Variants in IFT88 observed in about 807,000 individuals in gnomAD.
IFT88 encodes intraflagellar transport 88, also known as intraflagellar transport protein 88 homolog.
Under a neutral mutation model 119.5 loss-of-function variants are expected in IFT88, and 74 were observed. The ratio of observed to expected loss-of-function variants is 0.62; its 90% confidence interval spans 0.51 to 0.75. The LOEUF is 0.75. Ranked by LOEUF, IFT88 falls within the 30% of genes least tolerant of loss-of-function variation. IFT88 has a pLI of 0.00. For missense variants in IFT88, 961 were observed against 977.7 expected, an observed-to-expected ratio of 0.98 and a Z score of 0.23; for synonymous variants, 279 against 316.7, an observed-to-expected ratio of 0.88 and a Z score of 1.26.
chr13:20,631,263 G>C, intron 16 of IFT88, 161 bp downstream of exon 16: 1 of 563,802 alleles, frequency 1.8e-6, no homozygotes, highest in East Asian at 2.9e-5. Context: ...GCCAGGCCAG[G>C]GGCTGAGTTG....
At chr13:20,601,136 C>T (rs1377345477) in intron 11 of IFT88, among the ~76,000 whole-genome samples, 4 of 152,172 alleles carry the variant, frequency 2.6e-5, no homozygotes, top group African/African-American at 9.6e-5. Flanking sequence ...GAGGCCGAGG[C>T]GGGCGAATCA....
chr13:20,653,778 T>C (rs994338116), intron 20 of IFT88, 98 bp from the exon 21 acceptor site: 26 of 575,984 alleles, frequency 4.5e-5, no homozygotes, highest in Non-Finnish European at 7.6e-5. Flanking sequence ...TAACAAAAGG[T>C]CAAAAAGTAA....
rs754372757 is a variant in IFT88, at chr13:20,598,698, C to T, written c.642C>T (p.Ala214=). ...ASQYSVNEMY[A]EALNTYQVIV... ...AGTATTCAGTTAATGAAATGTATGCCGAAGCACTTAACACTTATCAAGTTA... is the reference window on the plus strand; with the variant it reads ...AGTATTCAGTTAATGAAATGTATGCTGAAGCACTTAACACTTATCAAGTTA... The change falls in exon 10 of 26, where the codon GCC becomes GCT. Residue 214 remains alanine, a synonymous_variant. Coordinates refer to ENST00000351808, the MANE Select transcript of IFT88 (RefSeq NM_006531.5). The T allele has an allele frequency of 6.2e-6, 10 of 1,610,476 alleles. No homozygotes were observed. Among genetic ancestry groups the T allele is most frequent in the Admixed American group, 5.0e-5 (3 of 59,952 alleles).
chr13:20,660,999 C>T (rs2053691566), intron 22 of IFT88, among the ~76,000 whole-genome samples: 1 of 152,056 alleles, frequency 6.6e-6, no homozygotes, highest in African/African-American at 2.4e-5. Context: ...TAAGACTTTC[C>T]TGTTTCTTTA....
chr13:20,655,434 T>TC (rs2052587032), intron 21 of IFT88, among the ~76,000 whole-genome samples: 1 of 120,950 alleles, frequency 8.3e-6, no homozygotes, highest in African/African-American at 3.0e-5. Flanking sequence ...AGAACAAGAC[T>TC]CCATCTCAAA....
Position 20,653,928 on chromosome 13 carries a change from G to A in IFT88, c.2002G>A (p.Gly668Ser). The A allele has an allele frequency of 6.4e-7, 1 of 1,573,646 alleles. No individual in the cohort carries two copies. Among genetic ancestry groups the A allele is most frequent in the South Asian group, 1.2e-5 (1 of 86,362 alleles). The change falls in exon 21 of 26, where the codon GGT (glycine) becomes AGT (serine). Residue 668 changes from glycine to serine, a missense_variant and splice_region_variant. Physicochemically the swap from Gly to Ser is moderately conservative, Grantham distance 56. Coordinates refer to ENST00000351808, the MANE Select transcript of IFT88 (RefSeq NM_006531.5). ...GGTAGCTAGTTGTTTCAGAAGAAGT[G>A]GTAAATGCTTTAGTTTTATTCATTT... ...LMVASCFRRS[G>S]NYQKALDTYK...
chr13:20,584,776 G>A (rs1395336495), intron 3 of IFT88, among the ~76,000 whole-genome samples: 3 of 152,174 alleles, frequency 2.0e-5, no homozygotes, highest in Admixed American at 2.0e-4. Flanking sequence ...TTTTTGGAAT[G>A]CTGCTTCTCC....
At chr13:20,597,173 G>A in intron 9 of IFT88, 54 bp downstream of exon 9, 1 of 853,162 alleles carries the variant, frequency 1.2e-6, no homozygotes, top group East Asian at 2.8e-5. Context: ...TAGGGTTAAT[G>A]GGTTCCAGAG....
At chr13:20,581,852 C>CAAAA (rs10555158) in intron 2 of IFT88, among the ~76,000 whole-genome samples, 1 of 121,282 alleles carries the variant, frequency 8.2e-6, no homozygotes, top group African/African-American at 3.1e-5. Flanking sequence ...AACCCTGTCT[C>CAAAA]AAAAAAAAAA....
chr13:20,567,815 C>A, intron 1 of IFT88: 1 of 1,282,830 alleles, frequency 7.8e-7, no homozygotes, highest in Non-Finnish European at 1.0e-6. Flanking sequence ...CTTTCTAAGC[C>A]TAAAATTACA....
Position 20,643,489 on chromosome 13 carries a change from G to T in IFT88, c.1717G>T (p.Glu573Ter). ...AATGGAAAATCCCAGTCAAGCTATTGAATGGCTAATGCAGGTGGTCAGTGT... is the reference window on the plus strand; with the variant it reads ...AATGGAAAATCCCAGTCAAGCTATTTAATGGCTAATGCAGGTGGTCAGTGT... ...ELMENPSQAI[E>*]WLMQVVSVIP... Residue 573 changes from glutamate (E) to a stop codon, truncating the protein, a stop_gained, in exon 19 of 26, where the codon GAA (glutamate) becomes TAA (stop). Transcript: ENST00000351808. LOFTEE classifies it high-confidence loss of function. The T allele has an allele frequency of 6.2e-6, 10 of 1,608,052 alleles. No homozygotes were observed. The highest frequency in any genetic ancestry group is 8.5e-6 in the Non-Finnish European group (10 of 1,178,332).
chr13:20,670,523 C>CTT lies in IFT88; in HGVS notation c.2176-428_2176-427dup, dbSNP rs56143632. On this transcript the variant is annotated intron_variant, in intron 23 of 25. Transcript: ENST00000351808. The stretch of plus-strand genomic sequence containing the variant: ...AATTGAATTTCAAAACTCAGCTTAC[C>CTT]TTTTTTTTTTTTTTTTTTTTTTTAC... Among the ~76,000 whole-genome samples, 538 of 94,858 alleles carry CTT rather than the reference C, an allele frequency of 5.7e-3. 10 individuals carry two copies. Among genetic ancestry groups the CTT allele is most frequent in the Middle Eastern group, 9.3e-3 (1 of 108 alleles). 62.2% of individuals were successfully genotyped at this position (94,858 alleles called of 152,430 possible).
At chr13:20,654,635 T>G (rs1049389695) in intron 21 of IFT88, among the ~76,000 whole-genome samples, 1 of 152,154 alleles carries the variant, frequency 6.6e-6, no homozygotes, top group African/African-American at 2.4e-5. Context: ...TCTCACCCAG[T>G]TTCGGGGGAG....
At chr13:20,666,391 T>C (rs1461688941) in intron 23 of IFT88, among the ~76,000 whole-genome samples, 1 of 152,178 alleles carries the variant, frequency 6.6e-6, no homozygotes, top group Non-Finnish European at 1.5e-5. Context: ...ACTTGCCCTC[T>C]GTTCATCTCA....
intron 12 of IFT88, among the ~76,000 whole-genome samples, chr13:20,603,906 AAAAAATTAGCCAGCCTG>A (rs1355515723): frequency 6.6e-6 from 1 of 151,082 alleles, no homozygotes. Flanking sequence ...TCAAAAAAAT[AAAAAATTAGCCAGCCTG>A]GTGGTGTGCA....
At chr13:20,676,362 CAT>C (rs1398505733) in intron 24 of IFT88, among the ~76,000 whole-genome samples, 13 of 152,290 alleles carry the variant, frequency 8.5e-5, no homozygotes, top group African/African-American at 2.9e-4. Context: ...GAAATGGGCT[CAT>C]GTGGAAAGCT....
At chr13:20,649,545 G>A (rs1385860554) in intron 20 of IFT88, among the ~76,000 whole-genome samples, 1 of 152,040 alleles carries the variant, frequency 6.6e-6, no homozygotes, top group Non-Finnish European at 1.5e-5. Flanking sequence ...TAAAGAAGAA[G>A]AAAGATCCCA....
chr13:20,636,782 G>A (rs141853321), intron 16 of IFT88, among the ~76,000 whole-genome samples: 1 of 152,310 alleles, frequency 6.6e-6, no homozygotes, highest in African/African-American at 2.4e-5. Flanking sequence ...TTAAGCAGCA[G>A]CACCTCACTT....
At chr13:20,592,477 T>A (rs569037337) in intron 7 of IFT88, 73 bp downstream of exon 7, 1 of 774,304 alleles carries the variant, frequency 1.3e-6, no homozygotes, top group Non-Finnish European at 1.9e-6. Context: ...AAATACACAA[T>A]TTTTTTTTTT....
Sources: allele counts gnomAD v4.1 joint callset (sites outside exome capture counted in the v4.1 genomes callset), GRCh38; gene constraint gnomAD v4.1.1; transcripts MANE v1.5; gene names NCBI Gene and HGNC (gene_info 2026-07-23, HGNC 2026-07-21).